CAT: variants seen among roughly 807,000 people sequenced by gnomAD.
CAT encodes the protein catalase.
A neutral mutation model predicts 59.0 loss-of-function variants in CAT; 43 were observed. That is an observed-to-expected ratio of 0.73 (90% CI 0.57 to 0.94). The LOEUF (loss-of-function observed/expected upper bound fraction) is 0.94, where lower values mean the gene tolerates loss of function less well. Among genes scored for constraint, CAT ranks in the 40% least tolerant of loss-of-function variants. The pLI is 0.00. For missense variants in CAT, 664 were observed against 682.9 expected (o/e 0.97, Z 0.31); for synonymous variants, 218 against 230.9 (o/e 0.94, Z 0.51).
chr11:34,468,881 T>TA (rs1318529225), intron 11 of CAT, among the ~76,000 whole-genome samples: 1 of 152,240 alleles, frequency 6.6e-6, no homozygotes, highest in East Asian at 1.9e-4. Flanking sequence ...ACCCTGTCTC[T>TA]AAAATCAGTC....
chr11:34,456,299 C>T, intron 7 of CAT, 97 bp downstream of exon 7: 1 of 963,732 alleles, frequency 1.0e-6, no homozygotes, highest in Non-Finnish European at 1.6e-6. Flanking sequence ...ATGGGGAAGT[C>T]ATATACAAAA....
intron 1 of CAT, among the ~76,000 whole-genome samples, chr11:34,439,733 C>G (rs1856364016): frequency 6.6e-6 from 1 of 152,072 alleles, no homozygotes; most frequent in Non-Finnish European, 1.5e-5. Flanking sequence ...AGGCACTGTT[C>G]GGGGCAAGGT....
intron 1 of CAT, among the ~76,000 whole-genome samples, chr11:34,446,301 T>A (rs2300182): frequency 0.12 from 18,215 of 152,212 alleles, 1,378 homozygotes; most frequent in Admixed American, 0.21. Context: ...ATGAGGACAA[T>A]TGATCTAACT....
rs34503767 is a variant in CAT, at chr11:34,450,983, G to C, written c.239-5G>C. The C allele has an allele frequency of 6.3e-7, 1 of 1,592,666 alleles. No individual in the cohort carries two copies. Among genetic ancestry groups the C allele is most frequent in the African/African-American group, 1.3e-5 (1 of 74,452 alleles). On this transcript the variant is annotated splice_region_variant and splice_polypyrimidine_tract_variant and intron_variant, in intron 2 of 12. Transcript: ENST00000241052. ...TGGTAAGGATTTCTGTGTCTTTCTC[G>C]TTAGGGGCCTTTGGCTACTTTGAGG...
intron 11 of CAT, 45 bp downstream of exon 11, chr11:34,468,440 G>C (rs969378169): frequency 1.5e-6 from 2 of 1,340,342 alleles, no homozygotes. Flanking sequence ...GGCTAAGGAA[G>C]ACAGTGCAGC....
chr11:34,461,495 T>C, intron 9 of CAT, 106 bp downstream of exon 9: 1 of 1,373,348 alleles, frequency 7.3e-7, no homozygotes, highest in Non-Finnish European at 1.0e-6. Context: ...CAGGACCTCC[T>C]GCTTGGTAAA....
chr11:34,466,637 C>T (rs904422924), intron 10 of CAT, among the ~76,000 whole-genome samples: 13 of 151,386 alleles, frequency 8.6e-5, no homozygotes, highest in Non-Finnish European at 8.8e-5. Context: ...AAAAATTAGC[C>T]GGGCGTGGTG....
chr11:34,460,928 C>T (rs1856642424), intron 8 of CAT: 1 of 365,862 alleles, frequency 2.7e-6, no homozygotes, highest in Admixed American at 3.8e-5. Flanking sequence ...TAATGCAATA[C>T]TTCCTTGGGA....
intron 9 of CAT, among the ~76,000 whole-genome samples, chr11:34,463,569 C>T (rs558334216): frequency 6.6e-6 from 1 of 152,314 alleles, no homozygotes; most frequent in Non-Finnish European, 1.5e-5. Flanking sequence ...CCACTGGCTA[C>T]CGTGTGACCT....
At position 34,468,412 on chromosome 11, in the gene CAT, TGAAGG is replaced by T. The variant is rs763631321; in HGVS notation, c.1434+19_1434+23del. 1 of 1,555,542 alleles carries T rather than the reference TGAAGG, an allele frequency of 6.4e-7. No individual in the cohort carries two copies. Among genetic ancestry groups the T allele is most frequent in the South Asian group, 1.1e-5 (1 of 89,928 alleles). ...AAGAAAGCGGTGAGTCTTTGTAAGC[TGAAGG>T]GTGTCCTCTGCTGGCTAAGGAAGAC... On this transcript the variant is annotated intron_variant, in intron 11 of 12. Coordinates refer to ENST00000241052, the MANE Select transcript of CAT (RefSeq NM_001752.4).
rs1856649252 is a variant in CAT at position 34,461,374 on chromosome 11, AT to A, written c.1181del (p.Met394SerfsTer55). 6.2e-7 allele frequency: 1 copy of A among 1,614,210 alleles called. No homozygotes were observed. Among genetic ancestry groups the A allele is most frequent in the East Asian group, 2.2e-5 (1 of 44,876 alleles). ...CTACCAGCGTGACGGCCCGATGTGC[AT>A]GCAGGACAATCAGGGTAGGCCTAAA... ...ANYQRDGPMC[M>X]QDNQGGAPNY... On this transcript the variant is annotated frameshift_variant, in exon 9 of 13. Coordinates refer to ENST00000241052, the MANE Select transcript of CAT (RefSeq NM_001752.4). LOFTEE classifies it high-confidence loss of function.
chr11:34,456,215 A>G lies in CAT; in HGVS notation c.903+13A>G. ...CGATCTCACCAAGGTGAGTCAGTAA[A>G]CAACTATATTGTTTTCTTTTTTAAG... On this transcript the variant is annotated intron_variant, in intron 7 of 12. Coordinates refer to ENST00000241052, the MANE Select transcript of CAT (RefSeq NM_001752.4). 1 of 1,600,480 alleles carries G rather than the reference A, an allele frequency of 6.2e-7. No homozygotes were observed. Among genetic ancestry groups the G allele is most frequent in the Non-Finnish European group, 8.6e-7 (1 of 1,168,060 alleles).
Position 34,471,477 on chromosome 11 carries a change from G to A in CAT, c.*44G>A, listed in dbSNP as rs191405516. On this transcript the variant is annotated 3_prime_UTR_variant, in exon 13 of 13. Coordinates refer to ENST00000241052, the MANE Select transcript of CAT (RefSeq NM_001752.4). ...GTGCAGCGAAGCTTAGCGTTCATCCGTGTAACCCGCTCATCACTGGATGAA... is the reference window on the plus strand; with the variant it reads ...GTGCAGCGAAGCTTAGCGTTCATCCATGTAACCCGCTCATCACTGGATGAA... 3.5e-5 allele frequency: 53 copies of A among 1,506,144 alleles called. No homozygotes were observed. The African/African-American group carries it at 4.5e-4, about 13-fold the overall frequency. The allele number at this position is 1,506,144 out of a possible 1,614,324, so 93.3% of individuals were successfully genotyped here. A position where few individuals can be genotyped will look rare whatever the true frequency, so the allele number is the denominator to read the frequency against.
intron 2 of CAT, among the ~76,000 whole-genome samples, chr11:34,449,671 A>G (rs1856499555): frequency 6.6e-6 from 1 of 152,254 alleles, no homozygotes. Flanking sequence ...TTTAAACGAC[A>G]TGTAATGAAA....
chr11:34,456,254 A>G, intron 7 of CAT, 52 bp downstream of exon 7: 1 of 1,369,314 alleles, frequency 7.3e-7, no homozygotes, highest in Non-Finnish European at 1.0e-6. Flanking sequence ...CTTCTTACCT[A>G]ATTAGAAAAA....
chr11:34,450,784 G>A (rs774248862), intron 2 of CAT, among the ~76,000 whole-genome samples: 1 of 152,122 alleles, frequency 6.6e-6, no homozygotes, highest in East Asian at 1.9e-4. Context: ...TGTGGCATTC[G>A]ACTTAGCACT....
At chr11:34,466,496 G>A (rs911407207) in intron 10 of CAT, among the ~76,000 whole-genome samples, 2 of 152,120 alleles carry the variant, frequency 1.3e-5, no homozygotes, top group Admixed American at 1.3e-4. Flanking sequence ...AAAATAGATG[G>A]GCTGGGCGCG....
At position 34,456,222 on chromosome 11, in the gene CAT, T is replaced by C. The variant is rs1452870938; in HGVS notation, c.903+20T>C. 2 of 1,578,540 alleles carry C rather than the reference T, an allele frequency of 1.3e-6. No individual in the cohort carries two copies. The highest frequency in any genetic ancestry group is 1.7e-6 in the Non-Finnish European group (2 of 1,148,980). ...ACCAAGGTGAGTCAGTAAACAACTA[T>C]ATTGTTTTCTTTTTTAAGTCTCTTC... On this transcript the variant is annotated intron_variant, in intron 7 of 12. Coordinates refer to ENST00000241052, the MANE Select transcript of CAT (RefSeq NM_001752.4).
intron 8 of CAT, chr11:34,457,050 G>T: frequency 1.9e-6 from 1 of 536,518 alleles, no homozygotes; most frequent in Non-Finnish European, 3.3e-6. Flanking sequence ...CTACATATGT[G>T]AAGACAAGAA....
Sources: allele counts gnomAD v4.1 joint callset (sites outside exome capture counted in the v4.1 genomes callset), GRCh38; gene constraint gnomAD v4.1.1; transcripts MANE v1.5; gene names NCBI Gene and HGNC (gene_info 2026-07-23, HGNC 2026-07-21).